The following LUZP2 variants were observed in gnomAD, a reference collection of about 807,000 sequenced individuals.
The protein encoded by LUZP2 is leucine zipper protein 2.
A neutral mutation model predicts 51.6 loss-of-function variants in LUZP2; 52 were observed. The observed-to-expected ratio is 1.01, with a 90% confidence interval of 0.81 to 1.27. The LOEUF (loss-of-function observed/expected upper bound fraction) is 1.27, where lower values mean the gene tolerates loss of function less well. Among genes scored for constraint, LUZP2 ranks in the 50% most tolerant of loss-of-function variants. The pLI is 0.00. For synonymous variants in LUZP2, 154 were observed against 137.3 expected (o/e 1.12, Z -0.85); for missense variants, 436 against 395.4 (o/e 1.10, Z -0.87).
In LUZP2 at chr11:24,976,601, T is replaced by C. The variant is rs1199473558; in HGVS notation, c.533T>C (p.Leu178Pro). 1.3e-6 allele frequency: 2 copies of C among 1,589,286 alleles called. No homozygotes were observed. Among genetic ancestry groups the C allele is most frequent in the Admixed American group, 1.8e-5 (1 of 55,182 alleles). ...TCTCTTATTTTACAGGCGCAGCAGC[T>C]TACTGATCTGGAACAAAAATTAGCT... ...KKDLLFKAQQ[L>P]TDLEQKLAVA... Residue 178 changes from leucine to proline, a missense_variant, in exon 8 of 12, where the codon CTT (leucine) becomes CCT (proline). Coordinates refer to ENST00000336930, the MANE Select transcript of LUZP2 (RefSeq NM_001009909.4).
At chr11:24,717,930 T>C (rs1192334044) in intron 1 of LUZP2, among the ~76,000 whole-genome samples, 1 of 152,250 alleles carries the variant, frequency 6.6e-6, no homozygotes, top group Non-Finnish European at 1.5e-5. Context: ...GATCTCATTC[T>C]TTTTTATGAC....
chr11:25,077,687 G>C (rs1437844833), intron 11 of LUZP2, among the ~76,000 whole-genome samples: 2 of 151,414 alleles, frequency 1.3e-5, no homozygotes, highest in African/African-American at 4.9e-5. Context: ...TAGTAGAGAC[G>C]GGGTTTCACT....
At chr11:24,847,007 TA>T (rs1851223763) in intron 5 of LUZP2, among the ~76,000 whole-genome samples, 1 of 151,900 alleles carries the variant, frequency 6.6e-6, no homozygotes, top group Non-Finnish European at 1.5e-5. Context: ...ACTCTCTCCA[TA>T]TATATGCATA....
At chr11:24,821,873 T>TATA in intron 5 of LUZP2, among the ~76,000 whole-genome samples, 2 of 148,202 alleles carry the variant, frequency 1.3e-5, no homozygotes, top group South Asian at 4.2e-4. Context: ...CCAGAAATAT[T>TATA]TATATATATA....
intron 5 of LUZP2, among the ~76,000 whole-genome samples, chr11:24,847,244 A>G (rs950771407): frequency 6.7e-6 from 1 of 148,354 alleles, no homozygotes; most frequent in African/African-American, 2.6e-5. Context: ...TTCACTATTT[A>G]TTCCAATAAT....
At chr11:24,811,773 G>A (rs1850030487) in intron 5 of LUZP2, among the ~76,000 whole-genome samples, 1 of 152,052 alleles carries the variant, frequency 6.6e-6, no homozygotes, top group Admixed American at 6.6e-5. Flanking sequence ...GCCTAGATTA[G>A]ATAAGGTATC....
chr11:24,560,935 C>T (rs967197371), intron 1 of LUZP2, among the ~76,000 whole-genome samples: 11 of 152,022 alleles, frequency 7.2e-5, no homozygotes, highest in Non-Finnish European at 1.5e-4. Flanking sequence ...AAGAGTATTC[C>T]CTGAATCACA....
chr11:25,046,658 G>A (rs1422887252), intron 9 of LUZP2, among the ~76,000 whole-genome samples: 1 of 152,036 alleles, frequency 6.6e-6, no homozygotes, highest in Non-Finnish European at 1.5e-5. Context: ...TGTTTGGATC[G>A]GTGATTAGAA....
At chr11:25,043,271 A>G (rs1000103230) in intron 9 of LUZP2, among the ~76,000 whole-genome samples, 4 of 152,196 alleles carry the variant, frequency 2.6e-5, no homozygotes, top group African/African-American at 9.6e-5. Flanking sequence ...CCTTTGTCAT[A>G]TAAAGTAGAA....
chr11:24,960,972 AC>A (rs1855380218), intron 7 of LUZP2, among the ~76,000 whole-genome samples: 1 of 152,034 alleles, frequency 6.6e-6, no homozygotes, highest in Non-Finnish European at 1.5e-5. Context: ...GTTTCAAAGA[AC>A]ATCTTTATTT....
chr11:25,028,451 A>T (rs769987433), intron 9 of LUZP2, among the ~76,000 whole-genome samples: 5 of 152,166 alleles, frequency 3.3e-5, no homozygotes, highest in African/African-American at 1.2e-4. Context: ...ATAATGAAGG[A>T]TCATTCAGCC....
intron 1 of LUZP2, among the ~76,000 whole-genome samples, chr11:24,655,326 A>C (rs1021287750): frequency 2.0e-5 from 3 of 152,216 alleles, no homozygotes; most frequent in African/African-American, 7.2e-5. Flanking sequence ...AAGGTTTAGA[A>C]ACAGCTGTTT....
In LUZP2 at chr11:24,591,295, A is replaced by G. The variant is rs1447511545; in HGVS notation, c.62+93990A>G. Among the ~76,000 whole-genome samples, 3 of 152,154 alleles carry G rather than the reference A, an allele frequency of 2.0e-5. No individual in the cohort carries two copies. In the East Asian group the frequency reaches 5.8e-4, roughly 29 times the overall value. On this transcript the variant is annotated intron_variant, in intron 1 of 11. Transcript: ENST00000336930. ...CTTGGGTGGGAGAGCACTTGAGCCCAGGAGGTTGAGGTTACAGTGAGACTC... is the reference window on the plus strand; with the variant it reads ...CTTGGGTGGGAGAGCACTTGAGCCCGGGAGGTTGAGGTTACAGTGAGACTC...
chr11:24,594,149 T>A (rs929760683), intron 1 of LUZP2, among the ~76,000 whole-genome samples: 1 of 152,188 alleles, frequency 6.6e-6, no homozygotes, highest in Admixed American at 6.5e-5. Context: ...CTAATTTATG[T>A]GGTTGAAAGT....
In LUZP2 at chr11:25,010,316, G is replaced by A. The variant is rs566387735; in HGVS notation, c.765+27023G>A. Among the ~76,000 whole-genome samples the A allele has an allele frequency of 1.1e-4, 16 of 152,256 alleles. No individual in the cohort carries two copies. The East Asian group carries it at 3.1e-3, about 29-fold the overall frequency. ...TGACTGTAATCCCAGCACTTTGGGA[G>A]GCTGAGGCAGGCGGATCACTTGAGG... is the stretch of plus-strand genomic sequence containing the variant. On this transcript the variant is annotated intron_variant, in intron 9 of 11. Transcript: ENST00000336930.
intron 1 of LUZP2, among the ~76,000 whole-genome samples, chr11:24,633,855 C>T (rs1181885850): frequency 1.3e-5 from 2 of 151,718 alleles, no homozygotes; most frequent in Non-Finnish European, 2.9e-5. Context: ...ACATTAATTA[C>T]ATTCTTATGC....
intron 9 of LUZP2, among the ~76,000 whole-genome samples, chr11:24,998,915 A>C (rs1026789488): frequency 2.0e-5 from 3 of 152,188 alleles, no homozygotes; most frequent in Non-Finnish European, 4.4e-5. Context: ...AACTATTTTA[A>C]AATAGTTTAA....
intron 9 of LUZP2, among the ~76,000 whole-genome samples, chr11:25,018,609 T>A (rs948944396): frequency 1.2e-5 from 1 of 82,762 alleles, no homozygotes; most frequent in African/African-American, 7.7e-5. Flanking sequence ...TTTCCTTTTT[T>A]TTTTTTTTTT....
intron 1 of LUZP2, among the ~76,000 whole-genome samples, chr11:24,528,603 A>T: frequency 6.6e-6 from 1 of 151,186 alleles, no homozygotes; most frequent in African/African-American, 2.4e-5. Context: ...TTGTCTGAGG[A>T]CATGCTCACT....
Sources: allele counts gnomAD v4.1 joint callset (sites outside exome capture counted in the v4.1 genomes callset), GRCh38; gene constraint gnomAD v4.1.1; transcripts MANE v1.5; gene names NCBI Gene and HGNC (gene_info 2026-07-23, HGNC 2026-07-21).